ACTR3C: variants seen among roughly 807,000 people sequenced by gnomAD.
ACTR3C encodes actin related protein 3C, also known as actin-related protein 3C.
Under a neutral mutation model 26.3 loss-of-function variants are expected in ACTR3C, and 18 were observed. The ratio of observed to expected loss-of-function variants is 0.68; its 90% CI spans 0.47 to 1.01. The LOEUF is 1.01. ACTR3C is among the 50% of genes least tolerant of loss of function. The pLI is 0.00. For missense variants in ACTR3C, 184 were observed against 250.7 expected (o/e 0.73, Z 1.80); for synonymous variants, 55 against 94.5 (o/e 0.58, Z 2.42).
rs1457247829 is a variant in ACTR3C at position 150,247,418 on chromosome 7, T to A, written c.*190A>T. On this transcript the variant is annotated 3_prime_UTR_variant, in exon 8 of 8. Coordinates refer to ENST00000683684, the MANE Select transcript of ACTR3C (RefSeq NM_001164458.2). ...GTAAGGATGCAACAGTTTGTGGTTC[T>A]CTAGAGAGCTTTGCCACCAGTTTTG... 6.7e-6 allele frequency: 1 copy of A among 150,054 alleles called. No homozygotes were observed. The highest frequency in any genetic ancestry group is 1.5e-5 in the Non-Finnish European group (1 of 67,696). The allele number at this position is 150,054 out of a possible 1,614,324, so 9.3% of individuals were successfully genotyped here. A position where few individuals can be genotyped will look rare whatever the true frequency, so the allele number is the denominator to read the frequency against.
chr7:150,045,877 AT>A, the ACTR3C span, among the ~76,000 whole-genome samples: 2 of 152,192 alleles, frequency 1.3e-5, no homozygotes, highest in Non-Finnish European at 2.9e-5. Context: ...CAATTCAACA[AT>A]TTTAAGTCAG....
the ACTR3C span, among the ~76,000 whole-genome samples, chr7:149,989,128 G>A: frequency 6.6e-6 from 1 of 152,082 alleles, no homozygotes; most frequent in Non-Finnish European, 1.5e-5. Flanking sequence ...CCCTGGTAAG[G>A]TTCCCCAACC....
intron 3 of ACTR3C, among the ~76,000 whole-genome samples, chr7:150,291,329 T>C (rs1277926125): frequency 2.0e-5 from 3 of 152,168 alleles, no homozygotes; most frequent in African/African-American, 4.8e-5. Context: ...CTCAGGAGGC[T>C]GAGGCAGGAG....
chr7:150,109,450 G>T, the ACTR3C span, among the ~76,000 whole-genome samples: 4 of 151,766 alleles, frequency 2.6e-5, no homozygotes, highest in Non-Finnish European at 4.4e-5. Flanking sequence ...AGAGAGGCAG[G>T]CCAGAGTCAT....
At chr7:149,883,104 G>C in the ACTR3C span, among the ~76,000 whole-genome samples, 1 of 152,228 alleles carries the variant, frequency 6.6e-6, no homozygotes, top group South Asian at 2.1e-4. Flanking sequence ...AAGTGAGGGG[G>C]TGGTCAGAGG....
At chr7:149,920,606 C>A in the ACTR3C span, among the ~76,000 whole-genome samples, 1 of 151,832 alleles carries the variant, frequency 6.6e-6, no homozygotes, top group Non-Finnish European at 1.5e-5. Context: ...AGCCACTGTG[C>A]CCAGTCCCCC....
the ACTR3C span, among the ~76,000 whole-genome samples, chr7:150,035,922 C>T: frequency 5.3e-5 from 7 of 132,878 alleles, no homozygotes; most frequent in African/African-American, 1.1e-4. Flanking sequence ...CGGGGGGTGC[C>T]TCGCCCTCCT....
At chr7:150,040,459 G>GC in the ACTR3C span, 1 of 147,960 alleles carries the variant, frequency 6.8e-6, no homozygotes, top group Non-Finnish European at 1.5e-5. Flanking sequence ...CCGGGTCCCC[G>GC]CCCCCTTTGT....
the ACTR3C span, among the ~76,000 whole-genome samples, chr7:150,134,669 T>C: frequency 1.3e-5 from 2 of 152,294 alleles, no homozygotes; most frequent in Non-Finnish European, 2.9e-5. Flanking sequence ...GAGGGGTCGC[T>C]TTCATGATTC....
the ACTR3C span, among the ~76,000 whole-genome samples, chr7:150,102,704 G>A: frequency 4.7e-4 from 72 of 151,642 alleles, no homozygotes; most frequent in African/African-American, 1.7e-3. Flanking sequence ...TCTTTCACAT[G>A]TCCCTTCAAC....
At chr7:150,098,733 C>G in the ACTR3C span, among the ~76,000 whole-genome samples, 1 of 151,796 alleles carries the variant, frequency 6.6e-6, no homozygotes, top group African/African-American at 2.4e-5. Context: ...TTCAGAAAAG[C>G]CTCCATGCTC....
At chr7:149,910,600 A>G in the ACTR3C span, among the ~76,000 whole-genome samples, 1 of 152,138 alleles carries the variant, frequency 6.6e-6, no homozygotes, top group African/African-American at 2.4e-5. Flanking sequence ...ACGTCTGGAC[A>G]ACCAAGCCGT....
At chr7:150,300,730 G>A (rs1795388204) in intron 1 of ACTR3C, among the ~76,000 whole-genome samples, 1 of 150,708 alleles carries the variant, frequency 6.6e-6, no homozygotes, top group Admixed American at 6.6e-5. Context: ...ATGTGGAAGG[G>A]AGAATAATGA....
chr7:150,308,323 C>T (rs1373363505), intron 1 of ACTR3C, among the ~76,000 whole-genome samples: 1 of 152,146 alleles, frequency 6.6e-6, no homozygotes, highest in Non-Finnish European at 1.5e-5. Context: ...CTCACCTGAC[C>T]TAAAACCTAA....
At chr7:149,912,179 A>G in the ACTR3C span, among the ~76,000 whole-genome samples, 4 of 151,642 alleles carry the variant, frequency 2.6e-5, no homozygotes, top group Non-Finnish European at 5.9e-5. Flanking sequence ...TAGATACCTG[A>G]TAGGCCTTCA....
At chr7:149,941,646 T>C in the ACTR3C span, among the ~76,000 whole-genome samples, 1 of 152,142 alleles carries the variant, frequency 6.6e-6, no homozygotes. Flanking sequence ...ATGTCTATCA[T>C]ATGCAGGTGG....
chr7:150,057,529 G>A, the ACTR3C span, among the ~76,000 whole-genome samples: 714 of 152,106 alleles, frequency 4.7e-3, 7 homozygotes, highest in African/African-American at 0.016. Context: ...CAGATGATTC[G>A]CCCACCTTGG....
chr7:150,175,896 T>A, the ACTR3C span, among the ~76,000 whole-genome samples: 1 of 149,520 alleles, frequency 6.7e-6, no homozygotes, highest in East Asian at 1.9e-4. Flanking sequence ...CAGAGCTTCC[T>A]GGAGATGTGA....
chr7:150,286,112 A>G (rs2286450), intron 5 of ACTR3C, among the ~76,000 whole-genome samples: 33,692 of 151,694 alleles, frequency 0.22, 5,746 homozygotes, highest in African/African-American at 0.47. Flanking sequence ...TAATTCTATT[A>G]TCATCTATCG....
Sources: gnomAD v4.1 joint callset for allele counts (sites outside exome capture counted in the v4.1 genomes callset) on GRCh38, gnomAD v4.1.1 for gene constraint, MANE v1.5 for transcripts, NCBI Gene and HGNC (gene_info 2026-07-23, HGNC 2026-07-21) for gene names.